The following LRP1B variants were observed in gnomAD, a reference collection of about 807,000 sequenced individuals.
LRP1B encodes LDL receptor related protein 1B.
A neutral mutation model predicts 556.6 loss-of-function variants in LRP1B; 217 were observed. That is an observed-to-expected ratio of 0.39 (90% CI 0.35 to 0.44). The LOEUF (loss-of-function observed/expected upper bound fraction) is 0.44. LRP1B is among the 20% of genes least tolerant of loss of function. The probability of loss-of-function intolerance (pLI) is 1.00; values close to 1 mark genes in which losing one functional copy is unlikely to be tolerated. For missense variants in LRP1B, 5,053 were observed against 5,620.8 expected (o/e 0.90, Z 3.23); for synonymous variants, 2,047 against 1,865.8 (o/e 1.10, Z -2.50).
At position 140,478,144 on chromosome 2, in the gene LRP1B, C is replaced by CTTTTTTTTTTTTTTTTTTTTTTTT. The variant is rs35948232; in HGVS notation, c.9426-2808_9426-2807insAAAAAAAAAAAAAAAAAAAAAAAA. Among the ~76,000 whole-genome samples the CTTTTTTTTTTTTTTTTTTTTTTTT allele has an allele frequency of 4.8e-5, 3 of 62,780 alleles. 1 individual carries two copies. Among genetic ancestry groups the CTTTTTTTTTTTTTTTTTTTTTTTT allele is most frequent in the African/African-American group, 1.7e-4 (3 of 17,462 alleles). The allele number at this position is 62,780 out of a possible 152,430, so 41.2% of individuals were successfully genotyped here. On this transcript the variant is annotated intron_variant, in intron 59 of 90. Transcript: ENST00000389484. ...GATTTTAGGACAAAGTATAACTTAACTTTTTTTTTTTTTTTTTTTTTTTGA... is the reference window on the plus strand; with the variant it reads ...GATTTTAGGACAAAGTATAACTTAACTTTTTTTTTTTTTTTTTTTTTTTTTTTTTTTTTTTTTTTTTTTTTTTGA...
intron 2 of LRP1B, among the ~76,000 whole-genome samples, chr2:141,511,894 C>A (rs1481195432): frequency 6.6e-6 from 1 of 152,114 alleles, no homozygotes; most frequent in Non-Finnish European, 1.5e-5. Context: ...GTGAACACTA[C>A]AAATAAATTT....
At chr2:141,451,130 T>C (rs184259558) in intron 3 of LRP1B, among the ~76,000 whole-genome samples, 2 of 152,316 alleles carry the variant, frequency 1.3e-5, no homozygotes, top group African/African-American at 4.8e-5. Context: ...ATGCTGAATA[T>C]TGGTAATACC....
chr2:140,768,508 A>G (rs1689193085), intron 35 of LRP1B, among the ~76,000 whole-genome samples: 1 of 151,966 alleles, frequency 6.6e-6, no homozygotes, highest in Non-Finnish European at 1.5e-5. Context: ...ATAAATCTAA[A>G]TGTTAATGTG....
chr2:141,139,959 G>A (rs1455261741), intron 7 of LRP1B, among the ~76,000 whole-genome samples: 1 of 151,888 alleles, frequency 6.6e-6, no homozygotes, highest in South Asian at 2.1e-4. Flanking sequence ...ATCAACAGGT[G>A]TATGAATAAA....
chr2:141,074,589 C>CTATATATA (rs1553456128), intron 7 of LRP1B, among the ~76,000 whole-genome samples: 1,723 of 136,396 alleles, frequency 0.013, 21 homozygotes, highest in South Asian at 0.032. Flanking sequence ...CTCTCTCTCT[C>CTATATATA]TATATATATA....
At chr2:140,525,487 C>T (rs559159555) in intron 49 of LRP1B, among the ~76,000 whole-genome samples, 15 of 151,944 alleles carry the variant, frequency 9.9e-5, no homozygotes, top group Non-Finnish European at 1.6e-4. Flanking sequence ...TAAGGCCAGT[C>T]GTAAGAAACA....
At chr2:141,117,003 TCA>T (rs1700921251) in intron 7 of LRP1B, among the ~76,000 whole-genome samples, 1 of 152,098 alleles carries the variant, frequency 6.6e-6, no homozygotes, top group South Asian at 2.1e-4. Flanking sequence ...TTTACATCTC[TCA>T]GTTTTATAAG....
Position 140,698,676 on chromosome 2 carries a change from A to G in LRP1B, c.6799+1574T>C, listed in dbSNP as rs1686522327. On this transcript the variant is annotated intron_variant, in intron 41 of 90. Coordinates refer to ENST00000389484, the MANE Select transcript of LRP1B (RefSeq NM_018557.3). ...CGTTTTAATAATAGCCTTTACAGAT[A>G]ACTGAGTATTCTTTCATATTACACC... Among the ~76,000 whole-genome samples, 3 of 152,072 alleles carry G rather than the reference A, an allele frequency of 2.0e-5. No homozygotes were observed. In the South Asian group the frequency reaches 6.2e-4, roughly 31 times the overall value.
chr2:140,609,999 G>A (rs1683011142), intron 41 of LRP1B, among the ~76,000 whole-genome samples: 1 of 151,528 alleles, frequency 6.6e-6, no homozygotes, highest in African/African-American at 2.4e-5. Context: ...ATTATGCCCT[G>A]GCCACAGGGT....
intron 2 of LRP1B, among the ~76,000 whole-genome samples, chr2:141,738,705 G>A (rs561272198): frequency 2.6e-5 from 4 of 152,166 alleles, no homozygotes; most frequent in Non-Finnish European, 2.9e-5. Flanking sequence ...AGACTTGATC[G>A]TTTTGTGTTT....
chr2:141,947,473 A>C (rs1700983920), intron 1 of LRP1B, among the ~76,000 whole-genome samples: 2 of 152,010 alleles, frequency 1.3e-5, no homozygotes, highest in Admixed American at 1.3e-4. Flanking sequence ...ATAAAAGGTA[A>C]AGGTGAATGA....
chr2:141,635,649 T>C (rs921579823), intron 2 of LRP1B, among the ~76,000 whole-genome samples: 10 of 152,218 alleles, frequency 6.6e-5, no homozygotes, highest in African/African-American at 2.2e-4. Context: ...AATGTTTTAG[T>C]TGGCTTTTGC....
chr2:142,113,214 T>G (rs1707065061), intron 1 of LRP1B, among the ~76,000 whole-genome samples: 1 of 152,042 alleles, frequency 6.6e-6, no homozygotes, highest in East Asian at 1.9e-4. Flanking sequence ...GTGTACAGCT[T>G]TTCTCAGCAA....
chr2:141,203,448 A>G (rs571550602), intron 6 of LRP1B, among the ~76,000 whole-genome samples: 1 of 152,296 alleles, frequency 6.6e-6, no homozygotes, highest in South Asian at 2.1e-4. Context: ...AGGGCATTAC[A>G]TAATGGTAAA....
intron 3 of LRP1B, among the ~76,000 whole-genome samples, chr2:141,371,074 T>C (rs1396840049): frequency 6.6e-6 from 1 of 151,936 alleles, no homozygotes; most frequent in East Asian, 1.9e-4. Context: ...ACCGCTGCCT[T>C]CTGGGTTCAA....
Position 140,541,897 on chromosome 2 carries a change from C to G in LRP1B, c.7269G>C (p.Trp2423Cys), listed in dbSNP as rs2105020764. 6.2e-7 allele frequency: 1 copy of G among 1,612,606 alleles called. No individual in the cohort carries two copies. Among genetic ancestry groups the G allele is most frequent in the Non-Finnish European group, 8.5e-7 (1 of 1,179,100 alleles). ...VYDNYIFWSD[W>C]GRRAILRSNK... is the part of the protein sequence containing the mutation. ...TGGACCGCAGTATAGCTCTTCTTCCCCAGTCCGACCAGAATATATAATTGT... is the reference window on the plus strand; with the variant it reads ...TGGACCGCAGTATAGCTCTTCTTCCGCAGTCCGACCAGAATATATAATTGT... The change falls in exon 44 of 91, where the codon TGG becomes TGC. Residue 2423 changes from tryptophan (W) to cysteine (C), a missense_variant. Physicochemically the swap from Trp to Cys is radical, Grantham distance 215. This residue lies in a region of LRP1B where 3,619 missense variants were observed against 3,931.9 expected (regional missense o/e 0.92). Coordinates refer to ENST00000389484, the MANE Select transcript of LRP1B (RefSeq NM_018557.3).
chr2:140,970,714 C>CTTTTTTTTTT (rs571691521), intron 18 of LRP1B, among the ~76,000 whole-genome samples: 2 of 12,254 alleles, frequency 1.6e-4, no homozygotes, highest in East Asian at 2.0e-3. Context: ...ATTTTTTAAC[C>CTTTTTTTTTT]TTTTTTTTTT....
At chr2:140,702,381 G>T (rs778545706) in intron 38 of LRP1B, 46 bp downstream of exon 38, 18 of 1,608,624 alleles carry the variant, frequency 1.1e-5, no homozygotes, top group Non-Finnish European at 1.4e-5. Context: ...GTAAATTAAA[G>T]TTGTCAGTTA....
At chr2:141,633,486 T>A (rs1159402945) in intron 2 of LRP1B, among the ~76,000 whole-genome samples, 1 of 152,114 alleles carries the variant, frequency 6.6e-6, no homozygotes, top group Non-Finnish European at 1.5e-5. Context: ...AGTTACAGTG[T>A]GAAATGTTTT....
Sources: gnomAD v4.1 joint callset for allele counts (sites outside exome capture counted in the v4.1 genomes callset) on GRCh38, gnomAD v4.1.1 for gene constraint, gnomAD v4.1.1 regional missense constraint, MANE v1.5 for transcripts, NCBI Gene and HGNC (gene_info 2026-07-23, HGNC 2026-07-21) for gene names.